PLD5: variants seen among roughly 807,000 people sequenced by gnomAD.
The protein encoded by PLD5 is inactive phospholipase D5.
In PLD5, 36 loss-of-function variants were observed where a neutral mutation model predicts 61.1. The observed-to-expected ratio is 0.59, with a 90% CI of 0.45 to 0.78. PLD5 has a LOEUF of 0.78. PLD5 is among the 30% of genes least tolerant of loss of function. The pLI is 0.00. For missense variants in PLD5, 515 were observed against 644.4 expected, an observed-to-expected ratio of 0.80 and a Z score of 2.17; for synonymous variants, 243 against 242.8, an observed-to-expected ratio of 1.00 and a Z score of -0.01.
intron 1 of PLD5, among the ~76,000 whole-genome samples, chr1:242,384,531 C>G (rs550775446): frequency 2.0e-5 from 3 of 152,388 alleles, no homozygotes; most frequent in Non-Finnish European, 2.9e-5. Context: ...ATTCCTTGGT[C>G]TTCCTTTGGG....
intron 2 of PLD5, among the ~76,000 whole-genome samples, chr1:242,312,743 G>A (rs913193899): frequency 6.6e-6 from 1 of 152,190 alleles, no homozygotes; most frequent in Non-Finnish European, 1.5e-5. Context: ...GAAGGAAATT[G>A]GGCAGCAGGC....
intron 5 of PLD5, among the ~76,000 whole-genome samples, chr1:242,160,641 C>T (rs557693425): frequency 6.6e-6 from 1 of 152,152 alleles, no homozygotes; most frequent in African/African-American, 2.4e-5. Context: ...AATCCCAGCA[C>T]TTTGGGAGCC....
intron 5 of PLD5, among the ~76,000 whole-genome samples, 180 bp from the exon 6 acceptor site, chr1:242,124,845 A>G (rs1475108460): frequency 6.6e-6 from 1 of 152,226 alleles, no homozygotes. Flanking sequence ...CTAAATATTT[A>G]AGTAAAATTT....
chr1:242,475,415 T>C (rs1448086317), intron 1 of PLD5, among the ~76,000 whole-genome samples: 5 of 93,820 alleles, frequency 5.3e-5, no homozygotes, highest in Admixed American at 3.0e-4. Context: ...AGAGCGAGAC[T>C]CCGTCTCAAA....
intron 5 of PLD5, among the ~76,000 whole-genome samples, chr1:242,139,018 C>G (rs1663961163): frequency 6.6e-6 from 1 of 152,190 alleles, no homozygotes; most frequent in African/African-American, 2.4e-5. Flanking sequence ...AAATCTGACT[C>G]AAGCATGCTG....
At position 242,084,350 on chromosome 1, in the gene PLD5, C is replaced by A. The variant is rs1659363363; in HGVS notation, c.*5504G>T. ...ATTGATTCTCTTTATGAAAACAGCA[C>A]CCACCTTATTACATGCTGTGCATAT... On this transcript the variant is annotated 3_prime_UTR_variant, in exon 10 of 10. Transcript: ENST00000536534. 6.6e-6 allele frequency: 1 copy of A among 151,986 alleles called. No homozygotes were observed. The highest frequency in any genetic ancestry group is 1.5e-5 in the Non-Finnish European group (1 of 68,010). 9.4% of individuals were successfully genotyped at this position (151,986 alleles called of 1,614,324 possible). A position where few individuals can be genotyped will look rare whatever the true frequency, so the allele number is the denominator to read the frequency against.
At chr1:242,095,169 T>C (rs1660126586) in intron 9 of PLD5, among the ~76,000 whole-genome samples, 2 of 151,982 alleles carry the variant, frequency 1.3e-5, no homozygotes, top group South Asian at 2.1e-4. Flanking sequence ...TCTCCTGACC[T>C]TGTGATCCAC....
intron 1 of PLD5, among the ~76,000 whole-genome samples, chr1:242,411,047 AATG>A (rs1036062240): frequency 6.6e-6 from 1 of 152,202 alleles, no homozygotes. Context: ...TGGAAGACAA[AATG>A]ATGATCTAAG....
chr1:242,333,454 C>T (rs1659313450), intron 2 of PLD5, among the ~76,000 whole-genome samples: 1 of 152,110 alleles, frequency 6.6e-6, no homozygotes, highest in African/African-American at 2.4e-5. Context: ...TGGGCAACGC[C>T]TCTGGTGGGT....
intron 3 of PLD5, among the ~76,000 whole-genome samples, chr1:242,286,255 T>C (rs1408536363): frequency 6.6e-6 from 1 of 152,236 alleles, no homozygotes; most frequent in South Asian, 2.1e-4. Flanking sequence ...CCAGACCTGA[T>C]GCAAATAAAG....
chr1:242,096,336 C>G (rs28438458), intron 9 of PLD5, among the ~76,000 whole-genome samples: 2 of 151,220 alleles, frequency 1.3e-5, no homozygotes, highest in South Asian at 2.1e-4. Context: ...TCTCTCTTTC[C>G]CTTTCTCTTT....
At chr1:242,452,796 G>A (rs1316792137) in intron 1 of PLD5, among the ~76,000 whole-genome samples, 1 of 152,048 alleles carries the variant, frequency 6.6e-6, no homozygotes, top group East Asian at 1.9e-4. Context: ...AGCCTGGGTG[G>A]CCGAACCAGA....
chr1:242,424,620 C>T (rs1665318254), intron 1 of PLD5, among the ~76,000 whole-genome samples: 1 of 152,000 alleles, frequency 6.6e-6, no homozygotes, highest in African/African-American at 2.4e-5. Flanking sequence ...TTATCCATAT[C>T]ACCTGAGAAG....
chr1:242,136,871 G>A (rs1196404766), intron 5 of PLD5, among the ~76,000 whole-genome samples: 1 of 152,164 alleles, frequency 6.6e-6, no homozygotes, highest in Non-Finnish European at 1.5e-5. Flanking sequence ...TTAAGTATCC[G>A]GGATGGGAGA....
At chr1:242,212,825 C>G (rs183318167) in intron 5 of PLD5, among the ~76,000 whole-genome samples, 1 of 152,162 alleles carries the variant, frequency 6.6e-6, no homozygotes, top group Admixed American at 6.5e-5. Flanking sequence ...TTTAAAAAAC[C>G]TCTTTCTGAT....
intron 5 of PLD5, among the ~76,000 whole-genome samples, chr1:242,182,350 A>G (rs1277781586): frequency 6.9e-6 from 1 of 145,000 alleles, no homozygotes; most frequent in Admixed American, 7.1e-5. Flanking sequence ...GGCATTCGCC[A>G]AATTGGTGTG....
intron 5 of PLD5, among the ~76,000 whole-genome samples, chr1:242,142,599 G>A (rs1664245683): frequency 6.6e-6 from 1 of 152,152 alleles, no homozygotes; most frequent in African/African-American, 2.4e-5. Flanking sequence ...TAGGATGGCT[G>A]TTTTCTAAGA....
At chr1:242,465,132 C>T (rs1167632515) in intron 1 of PLD5, among the ~76,000 whole-genome samples, 4 of 152,146 alleles carry the variant, frequency 2.6e-5, no homozygotes, top group Admixed American at 2.6e-4. Flanking sequence ...TGAAATGGCT[C>T]ATTTTAGGCT....
At chr1:242,218,638 G>T (rs1296604814) in intron 5 of PLD5, among the ~76,000 whole-genome samples, 1 of 152,138 alleles carries the variant, frequency 6.6e-6, no homozygotes, top group Non-Finnish European at 1.5e-5. Flanking sequence ...AGAAAAGGGT[G>T]ACAGAGAAAA....
Sources: gnomAD v4.1 joint callset for allele counts (sites outside exome capture counted in the v4.1 genomes callset) on GRCh38, gnomAD v4.1.1 for gene constraint, MANE v1.5 for transcripts, NCBI Gene and HGNC (gene_info 2026-07-23, HGNC 2026-07-21) for gene names.